Variants in ADGRV1 observed in about 807,000 individuals in gnomAD.
The protein encoded by ADGRV1 is adhesion G protein-coupled receptor V1.
Under a neutral mutation model 596.2 loss-of-function variants are expected in ADGRV1, and 359 were observed. That is an observed-to-expected ratio of 0.60 (90% CI 0.55 to 0.66). The LOEUF (loss-of-function observed/expected upper bound fraction) is 0.66, where lower values mean the gene tolerates loss of function less well. Among genes scored for constraint, ADGRV1 ranks in the 30% least tolerant of loss-of-function variants. The pLI is 0.00. For missense variants in ADGRV1, 7,274 were observed against 7,575.6 expected, an observed-to-expected ratio of 0.96 and a Z score of 1.48; for synonymous variants, 2,681 against 2,679.2, an observed-to-expected ratio of 1.00 and a Z score of -0.02.
At position 90,596,474 on chromosome 5, in the gene ADGRV1, C is replaced by G. The variant is rs544559763; in HGVS notation, c.23-18361C>G. Among the ~76,000 whole-genome samples the G allele has an allele frequency of 1.2e-4, 19 of 152,142 alleles. No homozygotes were observed. The South Asian group carries it at 3.3e-3, about 27-fold the overall frequency. The stretch of plus-strand genomic sequence containing the variant: ...TGGAGGTTGTAGCGAGCCGAGATCA[C>G]GCCACTGCACTCCAGCCTGGGCACC... On this transcript the variant is annotated intron_variant, in intron 1 of 89. Coordinates refer to ENST00000405460, the MANE Select transcript of ADGRV1 (RefSeq NM_032119.4).
At chr5:90,947,226 TCTAA>T (rs1175071386) in intron 83 of ADGRV1, among the ~76,000 whole-genome samples, 1 of 152,196 alleles carries the variant, frequency 6.6e-6, no homozygotes, top group Non-Finnish European at 1.5e-5. Context: ...TTTGCATTTC[TCTAA>T]CAATCAGTGA....
chr5:90,921,796 GTT>G lies in ADGRV1; in HGVS notation c.17857-43600_17857-43599del, dbSNP rs571601390. 1.4e-4 allele frequency among the ~76,000 whole-genome samples: 17 copies of G among 124,408 alleles called. 1 individual carries two copies. In the East Asian group the frequency reaches 2.4e-3, roughly 18 times the overall value. 81.6% of individuals were successfully genotyped at this position (124,408 alleles called of 152,430 possible). ...ACCAAACCCAATAAAGTTGTGTCTT[GTT>G]TTTTTTTTTTTTTTTTTTCTACAAG... On this transcript the variant is annotated intron_variant, in intron 83 of 89. Coordinates refer to ENST00000405460, the MANE Select transcript of ADGRV1 (RefSeq NM_032119.4).
intron 55 of ADGRV1, among the ~76,000 whole-genome samples, chr5:90,755,799 A>G (rs1755769725): frequency 6.7e-6 from 1 of 148,634 alleles, no homozygotes; most frequent in East Asian, 1.9e-4. Context: ...TATTATATAA[A>G]TAGTATTAAT....
chr5:90,958,096 C>T (rs1318555375), intron 83 of ADGRV1, among the ~76,000 whole-genome samples: 1 of 151,192 alleles, frequency 6.6e-6, no homozygotes, highest in African/African-American at 2.4e-5. Context: ...GGCAACATGC[C>T]AAAGCCCTGA....
intron 78 of ADGRV1, among the ~76,000 whole-genome samples, chr5:90,845,213 C>T (rs1015338066): frequency 6.6e-6 from 1 of 152,018 alleles, no homozygotes; most frequent in African/African-American, 2.4e-5. Context: ...CACAATTGTG[C>T]GCAAACAAAA....
intron 89 of ADGRV1, among the ~76,000 whole-genome samples, chr5:91,161,190 C>T (rs1425073932): frequency 1.3e-5 from 2 of 152,188 alleles, no homozygotes; most frequent in African/African-American, 4.8e-5. Flanking sequence ...GCCCCAGGGC[C>T]TTAGTCACCT....
chr5:90,667,921 C>T (rs561355470), intron 21 of ADGRV1, among the ~76,000 whole-genome samples: 6,272 of 151,516 alleles, frequency 0.041, 433 homozygotes, highest in African/African-American at 0.14. Context: ...TTAGGCTGCT[C>T]GGGGGTCAGG....
At chr5:90,681,788 C>A (rs1744963525) in intron 27 of ADGRV1, among the ~76,000 whole-genome samples, 1 of 152,004 alleles carries the variant, frequency 6.6e-6, no homozygotes, top group Non-Finnish European at 1.5e-5. Flanking sequence ...ATGGCTAGTA[C>A]AACAAAGAAT....
intron 21 of ADGRV1, among the ~76,000 whole-genome samples, chr5:90,663,308 C>G (rs1323279262): frequency 2.0e-5 from 3 of 149,486 alleles, no homozygotes; most frequent in Non-Finnish European, 4.4e-5. Flanking sequence ...GCCATTCTAA[C>G]TGGTGTGAGA....
intron 73 of ADGRV1, among the ~76,000 whole-genome samples, chr5:90,809,313 C>CACACACACACAT (rs1554124373): frequency 6.6e-6 from 1 of 151,708 alleles, no homozygotes; most frequent in Non-Finnish European, 1.5e-5. Flanking sequence ...CACACACACA[C>CACACACACACAT]ACACACACAC....
Position 91,022,279 on chromosome 5 carries a change from T to C in ADGRV1, c.18152+36757T>C, listed in dbSNP as rs16869346. On this transcript the variant is annotated intron_variant, in intron 85 of 89. Coordinates refer to ENST00000405460, the MANE Select transcript of ADGRV1 (RefSeq NM_032119.4). ...ATCTATGATGACAGATCTTCATGAG[T>C]AGAATTTATAACTGAGTAAACCTAG... 6.7e-3 allele frequency among the ~76,000 whole-genome samples: 1,024 copies of C among 152,154 alleles called. 90 individuals are homozygous for C. In the East Asian group the frequency reaches 0.17, roughly 26 times the overall value.
intron 74 of ADGRV1, 77 bp downstream of exon 74, chr5:90,811,415 T>G (rs1320548891): frequency 3.1e-6 from 4 of 1,309,646 alleles, no homozygotes; most frequent in Non-Finnish European, 3.1e-6. Context: ...CTAGCTTAAA[T>G]TTAATGGAAG....
intron 65 of ADGRV1, among the ~76,000 whole-genome samples, chr5:90,782,881 A>G (rs970263068): frequency 4.6e-5 from 7 of 152,186 alleles, no homozygotes; most frequent in African/African-American, 1.7e-4. Context: ...GCTACTGATT[A>G]AATACATTGT....
At chr5:90,888,807 T>C (rs1392122287) in intron 83 of ADGRV1, among the ~76,000 whole-genome samples, 1 of 152,106 alleles carries the variant, frequency 6.6e-6, no homozygotes, top group Non-Finnish European at 1.5e-5. Context: ...CTCTGTGGCC[T>C]TTCTCCTCAT....
In ADGRV1 at chr5:90,720,931, T is replaced by C; in HGVS notation, c.9624-4T>C. The C allele has an allele frequency of 1.9e-6, 3 of 1,602,456 alleles. No homozygotes were observed. The highest frequency in any genetic ancestry group is 2.6e-6 in the Non-Finnish European group (3 of 1,174,162). On this transcript the variant is annotated splice_polypyrimidine_tract_variant and splice_region_variant and intron_variant, in intron 44 of 89. Coordinates refer to ENST00000405460, the MANE Select transcript of ADGRV1 (RefSeq NM_032119.4). ...GCTTCCCTCAATCCATGTATTTCTT[T>C]CAGAGCCACCTCCATAGACATCGAA...
chr5:90,958,903 C>T (rs918408400), intron 83 of ADGRV1, among the ~76,000 whole-genome samples: 9 of 152,138 alleles, frequency 5.9e-5, no homozygotes, highest in African/African-American at 1.9e-4. Flanking sequence ...AAACTGAATG[C>T]TTTCCCCCTA....
At chr5:91,040,165 A>T (rs1273429233) in intron 85 of ADGRV1, among the ~76,000 whole-genome samples, 1 of 152,186 alleles carries the variant, frequency 6.6e-6, no homozygotes, top group East Asian at 1.9e-4. Context: ...TTCAGAAAAA[A>T]ATGCAGCTAT....
At chr5:91,020,409 A>ATTTT (rs1783538834) in intron 85 of ADGRV1, among the ~76,000 whole-genome samples, 1 of 152,062 alleles carries the variant, frequency 6.6e-6, no homozygotes, top group African/African-American at 2.4e-5. Flanking sequence ...TCATTTTAGA[A>ATTTT]AGTACTTTCA....
At position 90,965,437 on chromosome 5, in the gene ADGRV1, A is replaced by G. The variant is rs1778364650; in HGVS notation, c.17879A>G (p.Tyr5960Cys). The G allele has an allele frequency of 6.2e-7, 1 of 1,612,470 alleles. No individual in the cohort carries two copies. The highest frequency in any genetic ancestry group is 1.3e-5 in the African/African-American group (1 of 74,914). ...CAGATTCTGTTTCTGGCGTCTGCAT[A>G]CGCAAGTCCCCAACTCGCTGAGGAG... ...GTQILFLASA[Y>C]ASPQLAEESC... The change falls in exon 84 of 90, where the codon TAC becomes TGC. Residue 5960 changes from tyrosine (Y) to cysteine (C), a missense_variant. Transcript: ENST00000405460.
Sources: allele counts gnomAD v4.1 joint callset (sites outside exome capture counted in the v4.1 genomes callset), GRCh38; gene constraint gnomAD v4.1.1; transcripts MANE v1.5; gene names NCBI Gene and HGNC (gene_info 2026-07-23, HGNC 2026-07-21).